Variants in CWC27 observed in about 807,000 individuals in gnomAD.
The protein encoded by CWC27 is spliceosome-associated protein CWC27 homolog.
Under a neutral mutation model 63.6 loss-of-function variants are expected in CWC27, and 47 were observed. That is an observed-to-expected ratio of 0.74 (90% CI 0.58 to 0.94). The LOEUF (loss-of-function observed/expected upper bound fraction) is 0.94. Ranked by LOEUF, CWC27 falls within the 40% of genes least tolerant of loss-of-function variation. The pLI is 0.00. For missense variants in CWC27, 495 were observed against 554.3 expected (o/e 0.89, Z 1.07); for synonymous variants, 175 against 179.8 (o/e 0.97, Z 0.22).
chr5:64,960,532 G>T (rs919704607), intron 11 of CWC27, among the ~76,000 whole-genome samples: 39 of 151,150 alleles, frequency 2.6e-4, no homozygotes, highest in African/African-American at 8.8e-4. Context: ...TTAAGATCTG[G>T]TATATTAAAA....
intron 11 of CWC27, among the ~76,000 whole-genome samples, chr5:64,970,136 T>C (rs1749090329): frequency 6.6e-6 from 1 of 151,876 alleles, no homozygotes; most frequent in African/African-American, 2.4e-5. Context: ...CCCAGGACAA[T>C]GCAAATCTAA....
intron 10 of CWC27, among the ~76,000 whole-genome samples, chr5:64,815,175 A>T (rs968615825): frequency 3.9e-5 from 6 of 152,154 alleles, no homozygotes; most frequent in African/African-American, 7.2e-5. Flanking sequence ...TTTCTTATTC[A>T]ATTGCTTTCT....
At chr5:64,860,577 A>G (rs1425360912) in intron 10 of CWC27, among the ~76,000 whole-genome samples, 1 of 152,194 alleles carries the variant, frequency 6.6e-6, no homozygotes, top group African/African-American at 2.4e-5. Flanking sequence ...GTACCTAGTC[A>G]ACATAAGTAA....
At chr5:65,005,865 T>C (rs1347591305) in intron 13 of CWC27, among the ~76,000 whole-genome samples, 3 of 152,190 alleles carry the variant, frequency 2.0e-5, no homozygotes, top group Non-Finnish European at 2.9e-5. Flanking sequence ...ATCCAAGTAA[T>C]ATTTTAAAAC....
chr5:64,825,801 G>A (rs1400349317), intron 10 of CWC27, among the ~76,000 whole-genome samples: 1 of 152,164 alleles, frequency 6.6e-6, no homozygotes, highest in African/African-American at 2.4e-5. Flanking sequence ...CTAGGTGTTG[G>A]TATGAAGTTA....
intron 2 of CWC27, among the ~76,000 whole-genome samples, chr5:64,778,637 A>C (rs957375622): frequency 4.6e-5 from 7 of 152,198 alleles, no homozygotes; most frequent in African/African-American, 1.4e-4. Flanking sequence ...AATTTATGTT[A>C]TTAGATTTAT....
At chr5:64,971,856 T>C (rs1749132429) in intron 12 of CWC27, 44 bp downstream of exon 12, 2 of 1,322,424 alleles carry the variant, frequency 1.5e-6, no homozygotes, top group African/African-American at 1.5e-5. Flanking sequence ...ATTGTCTTTT[T>C]ATTGTTTTTA....
At chr5:64,788,739 A>T (rs999852373) in intron 6 of CWC27, among the ~76,000 whole-genome samples, 1 of 152,018 alleles carries the variant, frequency 6.6e-6, no homozygotes, top group Non-Finnish European at 1.5e-5. Flanking sequence ...TATAGGAAAC[A>T]TTGGTGCTGT....
intron 3 of CWC27, 30 bp from the exon 4 acceptor site, chr5:64,783,806 G>C (rs1743783026): frequency 6.6e-7 from 1 of 1,524,624 alleles, no homozygotes. Flanking sequence ...TTATAACTGA[G>C]GACATTCACT....
intron 10 of CWC27, among the ~76,000 whole-genome samples, chr5:64,866,243 G>A (rs574507492): frequency 4.6e-4 from 70 of 152,130 alleles, no homozygotes; most frequent in African/African-American, 1.7e-3. Flanking sequence ...CAAAGCTGGT[G>A]ATTTTTCTCC....
chr5:64,865,596 G>C, intron 10 of CWC27, among the ~76,000 whole-genome samples: 1 of 151,964 alleles, frequency 6.6e-6, no homozygotes, highest in East Asian at 1.9e-4. Flanking sequence ...GGTTAATTTT[G>C]TTATTGGGAT....
intron 3 of CWC27, among the ~76,000 whole-genome samples, chr5:64,782,442 C>T (rs140398229): frequency 0.08 from 1,961 of 24,656 alleles, 42 homozygotes; most frequent in African/African-American, 0.18. Context: ...AGCGAGACTC[C>T]GTCTCAAATA....
At chr5:65,004,630 C>A (rs1239244989) in intron 13 of CWC27, among the ~76,000 whole-genome samples, 1 of 150,100 alleles carries the variant, frequency 6.7e-6, no homozygotes, top group Non-Finnish European at 1.5e-5. Context: ...TATCTCTGTT[C>A]TCTTGTATCT....
chr5:64,963,208 C>T (rs988481337), intron 11 of CWC27, among the ~76,000 whole-genome samples: 17 of 152,002 alleles, frequency 1.1e-4, no homozygotes, highest in Non-Finnish European at 1.5e-4. Flanking sequence ...ACAATCAGCC[C>T]GCCTCCGCCT....
chr5:64,913,869 C>T (rs746355473), intron 11 of CWC27, among the ~76,000 whole-genome samples: 13 of 151,886 alleles, frequency 8.6e-5, no homozygotes, highest in Non-Finnish European at 1.8e-4. Context: ...GAAATGTAAG[C>T]AGCAAAGACA....
chr5:64,782,796 G>C (rs933149241), intron 3 of CWC27, among the ~76,000 whole-genome samples: 3 of 152,092 alleles, frequency 2.0e-5, no homozygotes, highest in African/African-American at 4.8e-5. Flanking sequence ...TGAACTGTTA[G>C]CTTTAATTTC....
intron 11 of CWC27, among the ~76,000 whole-genome samples, chr5:64,895,747 A>G (rs1747358111): frequency 6.6e-6 from 1 of 152,208 alleles, no homozygotes; most frequent in Non-Finnish European, 1.5e-5. Context: ...CACGTGATTT[A>G]AAAACAAAGA....
At chr5:64,793,914 C>T (rs1047014769) in intron 7 of CWC27, among the ~76,000 whole-genome samples, 1 of 152,064 alleles carries the variant, frequency 6.6e-6, no homozygotes, top group Non-Finnish European at 1.5e-5. Context: ...TATGGATTAT[C>T]AGTGTGGGAT....
Position 64,783,869 on chromosome 5 carries a change from A to C in CWC27, c.286A>C (p.Arg96=), listed in dbSNP as rs1743787792. 6.3e-7 allele frequency: 1 copy of C among 1,593,124 alleles called. No homozygotes were observed. The highest frequency in any genetic ancestry group is 8.5e-7 in the Non-Finnish European group (1 of 1,172,240). The stretch of plus-strand genomic sequence containing the variant: ...TCATTCACGGTTGCGTTTTAATCGG[A>C]GAGGACTGGTTGCCATGGCAAATGC... ...EFHSRLRFNR[R]GLVAMANAGS... The change falls in exon 4 of 14, where the codon AGA becomes CGA. Residue 96 remains arginine (R), a synonymous_variant. Transcript: ENST00000381070.
Sources: allele counts gnomAD v4.1 joint callset (sites outside exome capture counted in the v4.1 genomes callset), GRCh38; gene constraint gnomAD v4.1.1; transcripts MANE v1.5; gene names NCBI Gene and HGNC (gene_info 2026-07-23, HGNC 2026-07-21).